The following GRIA3 variants were observed in gnomAD, a reference collection of about 807,000 sequenced individuals.
GRIA3 encodes the protein glutamate receptor 3.
Under a neutral mutation model 63.0 loss-of-function variants are expected in GRIA3, and 3 were observed. The ratio of observed to expected loss-of-function variants is 0.05; its 90% CI spans 0.02 to 0.12. The LOEUF is 0.12. Among genes scored for constraint, GRIA3 ranks in the 10% least tolerant of loss-of-function variants. The probability of loss-of-function intolerance (pLI) is 1.00; values close to 1 mark genes in which losing one functional copy is unlikely to be tolerated. For missense variants in GRIA3, 347 were observed against 700.9 expected (o/e 0.50, Z 5.70); for synonymous variants, 274 against 257.9 (o/e 1.06, Z -0.60).
At chrX:123,195,307 G>T (rs1464789771) in intron 2 of GRIA3, among the ~76,000 whole-genome samples, 2 of 112,045 alleles carry the variant, frequency 1.8e-5, no homozygotes, top group Admixed American at 1.9e-4. Context: ...TCACAATATT[G>T]CCACAAGCGA....
At chrX:123,240,594 G>A (rs771166009) in intron 2 of GRIA3, among the ~76,000 whole-genome samples, 1 of 111,516 alleles carries the variant, frequency 9.0e-6, no homozygotes, top group East Asian at 2.8e-4. Context: ...ATGAACCCTA[G>A]GGTCGGATAT....
chrX:123,336,362 C>A (rs1336177172), intron 4 of GRIA3, among the ~76,000 whole-genome samples: 2 of 112,141 alleles, frequency 1.8e-5, no homozygotes, highest in Non-Finnish European at 3.8e-5. Flanking sequence ...AGTTTGATGT[C>A]ATTGTTACCA....
chrX:123,337,031 TA>T (rs2044978620), intron 4 of GRIA3, among the ~76,000 whole-genome samples: 1 of 111,998 alleles, frequency 8.9e-6, no homozygotes, highest in Non-Finnish European at 1.9e-5. Flanking sequence ...AAAAGGCATT[TA>T]AAAGCTCTTT....
At chrX:123,474,945 A>G (rs886234069) in intron 13 of GRIA3, among the ~76,000 whole-genome samples, 2 of 111,373 alleles carry the variant, frequency 1.8e-5, no homozygotes, top group African/African-American at 6.5e-5. Flanking sequence ...TGGTAGAGAT[A>G]AGCAGAAATT....
chrX:123,487,828 T>G (rs1437840456), intron 15 of GRIA3, among the ~76,000 whole-genome samples: 2 of 112,388 alleles, frequency 1.8e-5, no homozygotes, highest in East Asian at 5.6e-4. Context: ...TCTACCATCC[T>G]TGGATGCTTT....
At chrX:123,299,221 G>T (rs1901493849) in intron 3 of GRIA3, among the ~76,000 whole-genome samples, 1 of 111,045 alleles carries the variant, frequency 9.0e-6, no homozygotes, top group Admixed American at 9.6e-5. Context: ...CTCTTTTTGT[G>T]GTTCCATATG....
chrX:123,361,963 G>C (rs2045178089), intron 5 of GRIA3, among the ~76,000 whole-genome samples: 1 of 111,659 alleles, frequency 9.0e-6, no homozygotes, highest in Non-Finnish European at 1.9e-5. Flanking sequence ...AGTATTTTTA[G>C]TATTACATTC....
chrX:123,398,850 A>G (rs377368558), intron 7 of GRIA3, 47 bp downstream of exon 7: 201 of 1,039,713 alleles, frequency 1.9e-4, no homozygotes, highest in Non-Finnish European at 2.6e-4. Context: ...TTATAAAGAC[A>G]TAAAAAAGAT....
At position 123,437,108 on chromosome X, in the gene GRIA3, T is replaced by C. The variant is rs184958694; in HGVS notation, c.2076+8969T>C. ...GATAAGAATTTTTTCCCCAAAAGCC[T>C]ACTAGATGATGTCCTGCAGTCAGAT... On this transcript the variant is annotated intron_variant, in intron 12 of 15. Coordinates refer to ENST00000620443, the MANE Select transcript of GRIA3 (RefSeq NM_007325.5). Among the ~76,000 whole-genome samples the C allele has an allele frequency of 3.0e-3, 325 of 108,653 alleles. 2 individuals carry two copies. The highest frequency in any genetic ancestry group is 0.011 in the African/African-American group (315 of 29,908). The allele number at this position is 108,653 out of a possible 115,157, so 94.4% of individuals were successfully genotyped here.
intron 3 of GRIA3, among the ~76,000 whole-genome samples, chrX:123,273,472 C>A (rs769842224): frequency 8.9e-6 from 1 of 112,025 alleles, no homozygotes; most frequent in Admixed American, 9.5e-5. Context: ...CCCCTGCTTG[C>A]CCAACCTAAG....
At chrX:123,311,011 A>G (rs1414919695) in intron 3 of GRIA3, among the ~76,000 whole-genome samples, 1 of 110,752 alleles carries the variant, frequency 9.0e-6, no homozygotes, top group African/African-American at 3.3e-5. Flanking sequence ...AAAAAAAAAA[A>G]AAAAAAGAAA....
chrX:123,344,901 T>G (rs1466675701), intron 4 of GRIA3, among the ~76,000 whole-genome samples: 1 of 111,707 alleles, frequency 9.0e-6, no homozygotes, highest in Non-Finnish European at 1.9e-5. Context: ...GGTTCTTAAA[T>G]TTCAGTGTGC....
chrX:123,386,345 T>C (rs2045354069), intron 5 of GRIA3, among the ~76,000 whole-genome samples: 1 of 111,995 alleles, frequency 8.9e-6, no homozygotes, highest in South Asian at 3.7e-4. Flanking sequence ...TCCTTGTATA[T>C]TCTGGATATT....
intron 5 of GRIA3, among the ~76,000 whole-genome samples, chrX:123,391,156 T>C (rs1341002271): frequency 8.9e-6 from 1 of 111,830 alleles, no homozygotes; most frequent in African/African-American, 3.2e-5. Flanking sequence ...TCTTTTTGAT[T>C]GGGATCTATT....
intron 3 of GRIA3, among the ~76,000 whole-genome samples, chrX:123,277,316 A>T (rs2044560425): frequency 9.0e-6 from 1 of 111,623 alleles, no homozygotes; most frequent in Non-Finnish European, 1.9e-5. Context: ...AGTATTATTG[A>T]CTATAGTTGC....
Position 123,350,622 on chromosome X carries a change from A to G in GRIA3, c.697-4288A>G, listed in dbSNP as rs781097280. 6.2e-5 allele frequency among the ~76,000 whole-genome samples: 7 copies of G among 112,601 alleles called. No homozygotes were observed. The East Asian group carries it at 2.0e-3, about 31-fold the overall frequency. ...TTTTATGAATTATTTTTAACTGCTC[A>G]GTGATACCCAACCCCCAGTTTCACA... On this transcript the variant is annotated intron_variant, in intron 4 of 15. Transcript: ENST00000620443.
At position 123,335,125 on chromosome X, in the gene GRIA3, T is replaced by G. The variant is rs1023831746; in HGVS notation, c.696+8912T>G. Among the ~76,000 whole-genome samples the G allele has an allele frequency of 3.6e-5, 4 of 110,591 alleles. No homozygotes were observed. In the South Asian group the frequency reaches 1.5e-3, roughly 43 times the overall value. ...AGGTTTCCAGGCTGGTGACCATCAT[T>G]GATTTCTTAGCTGACTGACACTCTT... On this transcript the variant is annotated intron_variant, in intron 4 of 15. Transcript: ENST00000620443.
intron 2 of GRIA3, among the ~76,000 whole-genome samples, chrX:123,216,538 G>C (rs967302886): frequency 9.0e-6 from 1 of 111,299 alleles, no homozygotes; most frequent in Non-Finnish European, 1.9e-5. Context: ...GGATTGACAA[G>C]GTTGGCACTT....
intron 2 of GRIA3, among the ~76,000 whole-genome samples, chrX:123,240,468 G>T (rs997318590): frequency 4.5e-5 from 5 of 111,712 alleles, no homozygotes; most frequent in Non-Finnish European, 9.4e-5. Flanking sequence ...CCAATCCTGG[G>T]TATTGTGAAG....
Sources: allele counts gnomAD v4.1 joint callset (sites outside exome capture counted in the v4.1 genomes callset), GRCh38; gene constraint gnomAD v4.1.1; transcripts MANE v1.5; gene names NCBI Gene and HGNC (gene_info 2026-07-23, HGNC 2026-07-21).